The following CFAP77 variants were observed in gnomAD, a reference collection of about 807,000 sequenced individuals.
CFAP77 encodes cilia- and flagella-associated protein 77.
Under a neutral mutation model 31.1 loss-of-function variants are expected in CFAP77, and 25 were observed. That is an observed-to-expected ratio of 0.80 (90% CI 0.59 to 1.12). The LOEUF is 1.12. Ranked by LOEUF, CFAP77 falls within the 50% of genes most tolerant of loss-of-function variation. The pLI, the probability that CFAP77 is intolerant of heterozygous loss-of-function variation, is 0.00. For missense variants in CFAP77, 377 were observed against 397.3 expected (o/e 0.95, Z 0.44); for synonymous variants, 151 against 159.9 (o/e 0.94, Z 0.42).
At chr9:132,468,800 C>CA (rs67420584) in intron 1 of CFAP77, among the ~76,000 whole-genome samples, 1 of 150,868 alleles carries the variant, frequency 6.6e-6, no homozygotes, top group Admixed American at 6.6e-5. Context: ...CGCACACACA[C>CA]ACACACACAC....
In CFAP77 at chr9:132,517,486, A is replaced by C. The variant is rs1019606588; in HGVS notation, c.524+17886A>C. On this transcript the variant is annotated intron_variant, in intron 3 of 5. Transcript: ENST00000393216. The surrounding 1 kb of genome is among the most constrained non-coding windows in gnomAD (Gnocchi z 4.7). ...ACCGAATTAGTAGTCACTGATGACC[A>C]ATTATTTTAGCCTGCTGTGAACGGA... Among the ~76,000 whole-genome samples the C allele has an allele frequency of 3.3e-5, 5 of 152,206 alleles. No individual in the cohort carries two copies. Among genetic ancestry groups the C allele is most frequent in the African/African-American group, 4.8e-5 (2 of 41,452 alleles).
At position 132,411,317 on chromosome 9, in the gene CFAP77, G is replaced by A. The variant is rs1389031680; in HGVS notation, c.195+851G>A. Reference sequence around the variant, plus strand: ...GGAGTGGAAGGCGCAGGTGGTAACCGTGGATTCAACAACAATTATTTGTGT... The same window carrying A: ...GGAGTGGAAGGCGCAGGTGGTAACCATGGATTCAACAACAATTATTTGTGT... On this transcript the variant is annotated intron_variant, in intron 1 of 5. Transcript: ENST00000393216. Among the ~76,000 whole-genome samples, 5 of 152,352 alleles carry A rather than the reference G, an allele frequency of 3.3e-5. No homozygotes were observed. In the East Asian group the frequency reaches 7.7e-4, roughly 24 times the overall value.
intron 1 of CFAP77, among the ~76,000 whole-genome samples, chr9:132,412,601 GTTTGTTTGTTTTGTGCTTTTTTTTT>G (rs1021806165): frequency 2.0e-5 from 3 of 150,642 alleles, no homozygotes; most frequent in Admixed American, 6.6e-5. Flanking sequence ...GGGTTTTTTT[GTTTGTTTGTTTTGTGCTTTTTTTTT>G]TTTGTTTGTT....
rs778868095 is a variant in CFAP77, at chr9:132,410,455, C to T, written c.184C>T (p.Leu62Phe). ...GCGGGACTCCATGTTTCAGAACCCTCTCATCGTCAAGGTGAGCACCCCACG... is the reference window on the plus strand; with the variant it reads ...GCGGGACTCCATGTTTCAGAACCCTTTCATCGTCAAGGTGAGCACCCCACG... ...VVRDSMFQNP[L>F]IVKAELGKPR... The change falls in exon 1 of 6, where the codon CTC (leucine) becomes TTC (phenylalanine). Residue 62 changes from leucine (L) to phenylalanine (F), a missense_variant. Coordinates refer to ENST00000393216, the MANE Select transcript of CFAP77 (RefSeq NM_001282957.2). The T allele has an allele frequency of 1.3e-6, 2 of 1,584,784 alleles. No individual in the cohort carries two copies. Among genetic ancestry groups the T allele is most frequent in the African/African-American group, 2.8e-5 (2 of 71,114 alleles).
intron 4 of CFAP77, among the ~76,000 whole-genome samples, chr9:132,538,566 A>T (rs1262125391): frequency 6.6e-6 from 1 of 152,162 alleles, no homozygotes; most frequent in Admixed American, 6.5e-5. Context: ...TGGGTGGATC[A>T]CCTGGTTTGA....
chr9:132,429,850 C>CA (rs574495331), intron 1 of CFAP77, among the ~76,000 whole-genome samples: 10 of 151,398 alleles, frequency 6.6e-5, no homozygotes, highest in South Asian at 2.1e-4. Flanking sequence ...GACTCTGTCT[C>CA]AAAAAAAATA....
At chr9:132,533,331 C>G (rs180902177) in intron 3 of CFAP77, among the ~76,000 whole-genome samples, 1 of 152,158 alleles carries the variant, frequency 6.6e-6, no homozygotes, top group Non-Finnish European at 1.5e-5. Flanking sequence ...CCCCTGTGTA[C>G]GAGTGTCCTG....
chr9:132,559,552 A>G (rs1852962129), intron 5 of CFAP77, among the ~76,000 whole-genome samples: 1 of 152,136 alleles, frequency 6.6e-6, no homozygotes, highest in Non-Finnish European at 1.5e-5. Context: ...GAGGATATGG[A>G]GAAATTGGAA....
chr9:132,531,940 G>A (rs540697307), intron 3 of CFAP77, among the ~76,000 whole-genome samples: 2 of 152,156 alleles, frequency 1.3e-5, no homozygotes, highest in African/African-American at 4.8e-5. Context: ...TGGATGTACC[G>A]GGGACTGCTG....
rs529630093 is a variant in CFAP77, at chr9:132,545,070, C to G, written c.732+2023C>G. Among the ~76,000 whole-genome samples, 176 of 152,338 alleles carry G rather than the reference C, an allele frequency of 1.2e-3. 1 individual carries two copies. In the Middle Eastern group the frequency reaches 0.02, roughly 18 times the overall value. On this transcript the variant is annotated intron_variant, in intron 5 of 5. Coordinates refer to ENST00000393216, the MANE Select transcript of CFAP77 (RefSeq NM_001282957.2). The surrounding 1 kb of genome is among the most constrained non-coding windows in gnomAD (Gnocchi z 4.6). The stretch of plus-strand genomic sequence containing the variant: ...TGGGAGCTCCGGTCTGTCTCACTCA[C>G]CTGTGTCCCACGGCGCCTGGCCCCA...
chr9:132,520,718 G>T (rs1423401783), intron 3 of CFAP77, among the ~76,000 whole-genome samples: 1 of 152,168 alleles, frequency 6.6e-6, no homozygotes, highest in Admixed American at 6.5e-5. Flanking sequence ...CTGCCTCCAG[G>T]AGGATCCCCA....
chr9:132,493,471 G>A (rs368975178), intron 1 of CFAP77, among the ~76,000 whole-genome samples: 6 of 152,208 alleles, frequency 3.9e-5, no homozygotes, highest in South Asian at 2.1e-4. Context: ...CTGGGTCTCC[G>A]CTGTGGACAG....
chr9:132,524,011 A>AT lies in CFAP77; in HGVS notation c.525-13582dup, dbSNP rs1198542591. Among the ~76,000 whole-genome samples, 9 of 151,644 alleles carry AT rather than the reference A, an allele frequency of 5.9e-5. No individual in the cohort carries two copies. The South Asian group carries it at 6.3e-4, about 11-fold the overall frequency. ...ATAGCATCCTTTTTTAAATTTTCTAATTTTTTTTAGAGACAAGGTCTTGCC... is the reference window on the plus strand; with the variant it reads ...ATAGCATCCTTTTTTAAATTTTCTAATTTTTTTTTAGAGACAAGGTCTTGCC... On this transcript the variant is annotated intron_variant, in intron 3 of 5. Coordinates refer to ENST00000393216, the MANE Select transcript of CFAP77 (RefSeq NM_001282957.2).
chr9:132,421,527 G>C (rs990137954), intron 1 of CFAP77: 1 of 152,188 alleles, frequency 6.6e-6, no homozygotes, highest in African/African-American at 2.4e-5. Flanking sequence ...ATCAACTTTG[G>C]GAGAGAAAAA....
At position 132,518,480 on chromosome 9, in the gene CFAP77, G is replaced by T. The variant is rs544613589; in HGVS notation, c.524+18880G>T. Among the ~76,000 whole-genome samples, 41 of 152,288 alleles carry T rather than the reference G, an allele frequency of 2.7e-4. No homozygotes were observed. In the South Asian group the frequency reaches 8.1e-3, roughly 30 times the overall value. On this transcript the variant is annotated intron_variant, in intron 3 of 5. Transcript: ENST00000393216. ...CTCTGCATCCCTGAGCATCACACGG[G>T]CAACTCGCTCCATTTCTCTGAGCCT...
intron 3 of CFAP77, among the ~76,000 whole-genome samples, chr9:132,519,570 G>A (rs866656681): frequency 1.7e-5 from 2 of 120,424 alleles, no homozygotes; most frequent in Non-Finnish European, 1.8e-5. Flanking sequence ...ATGGATGGAT[G>A]GATAGATGGA....
chr9:132,485,985 C>CATATATATATAT (rs61265124), intron 1 of CFAP77, among the ~76,000 whole-genome samples: 5 of 53,558 alleles, frequency 9.3e-5, no homozygotes, highest in South Asian at 6.8e-4. Context: ...ACACACACCT[C>CATATATATATAT]ATATATATAT....
chr9:132,493,654 C>T (rs948086566), intron 1 of CFAP77, among the ~76,000 whole-genome samples: 1 of 152,162 alleles, frequency 6.6e-6, no homozygotes, highest in African/African-American at 2.4e-5. Flanking sequence ...GTCACTGCCC[C>T]CACCCAGGGG....
intron 5 of CFAP77, among the ~76,000 whole-genome samples, chr9:132,569,626 CA>C (rs1448798902): frequency 6.6e-6 from 1 of 151,960 alleles, no homozygotes; most frequent in Non-Finnish European, 1.5e-5. Flanking sequence ...CACTGAAGGC[CA>C]GGGGTGCCTC....
Sources: gnomAD v4.1 joint callset for allele counts (sites outside exome capture counted in the v4.1 genomes callset) on GRCh38, gnomAD v4.1.1 for gene constraint, Gnocchi (gnomAD v3.1) non-coding constraint, MANE v1.5 for transcripts, NCBI Gene and HGNC (gene_info 2026-07-23, HGNC 2026-07-21) for gene names.